CUBN: variants seen among roughly 807,000 people sequenced by gnomAD.
The protein encoded by CUBN is cubilin, also known as 460 kDa receptor.
Under a neutral mutation model 405.3 loss-of-function variants are expected in CUBN, and 282 were observed. That is an observed-to-expected ratio of 0.70 (90% confidence interval 0.63 to 0.77). The LOEUF (loss-of-function observed/expected upper bound fraction) is 0.77. CUBN is among the 30% of genes least tolerant of loss of function. The probability of loss-of-function intolerance (pLI) is 0.00; values close to 1 mark genes in which losing one functional copy is unlikely to be tolerated. For synonymous variants in CUBN, 1,684 were observed against 1,617.0 expected, an observed-to-expected ratio of 1.04 and a Z score of -0.99; for missense variants, 4,514 against 4,475.2, an observed-to-expected ratio of 1.01 and a Z score of -0.25.
rs765660437 is a variant in CUBN at position 16,840,437 on chromosome 10, C to G, written c.9925G>C (p.Val3309Leu). 9 of 1,614,050 alleles carry G rather than the reference C, an allele frequency of 5.6e-6. No individual in the cohort carries two copies. The East Asian group carries it at 1.8e-4, about 32-fold the overall frequency. ...TGCTGATGCGGAGGGGAATCAATGA[C>G]CCAAGTACAGATGGAAAATGGGACA... ...PDVPFSICTWVIDSPPHQQVK... is the reference protein window; with the variant it reads ...PDVPFSICTWLIDSPPHQQVK... The change falls in exon 62 of 67, where the codon GTC (valine) becomes CTC (leucine). Residue 3309 changes from valine (V) to leucine (L), a missense_variant. Around this residue, in one of 5 missense-constraint regions of CUBN, gnomAD observed 1,186 missense variants for 1,186.9 expected, o/e 1.00. Coordinates refer to ENST00000377833, the MANE Select transcript of CUBN (RefSeq NM_001081.4).
intron 28 of CUBN, among the ~76,000 whole-genome samples, chr10:17,017,250 A>G (rs7905442): frequency 0.38 from 57,488 of 151,798 alleles, 11,268 homozygotes; most frequent in East Asian, 0.61. Flanking sequence ...CAGCAGAAAC[A>G]CTAGTTTTCC....
intron 31 of CUBN, among the ~76,000 whole-genome samples, chr10:16,977,166 G>T (rs1184438430): frequency 6.6e-6 from 1 of 152,098 alleles, no homozygotes; most frequent in South Asian, 2.1e-4. Flanking sequence ...AGGATACAGG[G>T]AAATACTAGG....
intron 18 of CUBN, 35 bp from the exon 19 acceptor site, chr10:17,071,639 G>T (rs1444652422): frequency 1.9e-6 from 3 of 1,590,098 alleles, no homozygotes; most frequent in Non-Finnish European, 2.6e-6. Context: ...TGCTTGTCCA[G>T]ATATTAATAA....
chr10:17,001,088 T>C (rs1200785209), intron 28 of CUBN, among the ~76,000 whole-genome samples: 1 of 152,072 alleles, frequency 6.6e-6, no homozygotes. Context: ...TCACAGTGAG[T>C]GTTACAGCTC....
chr10:17,035,874 A>G (rs1042147856), intron 27 of CUBN, among the ~76,000 whole-genome samples: 6 of 152,084 alleles, frequency 3.9e-5, no homozygotes, highest in Non-Finnish European at 8.8e-5. Flanking sequence ...ATCCAAAAAA[A>G]TAATGAGAAC....
chr10:16,903,895 T>A, intron 51 of CUBN, 71 bp downstream of exon 51: 1 of 1,095,834 alleles, frequency 9.1e-7, no homozygotes, highest in Non-Finnish European at 1.3e-6. Flanking sequence ...AAAATATATA[T>A]GAAATCTTTA....
At chr10:17,032,574 T>C (rs1834808302) in intron 27 of CUBN, among the ~76,000 whole-genome samples, 1 of 152,176 alleles carries the variant, frequency 6.6e-6, no homozygotes, top group African/African-American at 2.4e-5. Flanking sequence ...AAAGTATTGG[T>C]AGTAGTGTCT....
intron 54 of CUBN, among the ~76,000 whole-genome samples, chr10:16,895,338 T>C (rs1564408805): frequency 6.7e-6 from 1 of 148,968 alleles, no homozygotes; most frequent in African/African-American, 2.5e-5. Flanking sequence ...TATATATTTA[T>C]ACACACACAC....
intron 31 of CUBN, among the ~76,000 whole-genome samples, chr10:16,958,002 G>A (rs1374523769): frequency 3.3e-5 from 5 of 152,046 alleles, no homozygotes; most frequent in African/African-American, 7.2e-5. Context: ...AAGGTCCAAG[G>A]AATAAGTACA....
intron 28 of CUBN, among the ~76,000 whole-genome samples, chr10:17,000,748 T>C (rs924742296): frequency 1.3e-5 from 2 of 152,240 alleles, no homozygotes; most frequent in Admixed American, 6.5e-5. Context: ...TCTGATTCCA[T>C]TGCTTAGTGG....
chr10:16,850,374 A>G (rs1471715782), intron 60 of CUBN, among the ~76,000 whole-genome samples: 1 of 152,190 alleles, frequency 6.6e-6, no homozygotes, highest in Non-Finnish European at 1.5e-5. Flanking sequence ...GCTACTTAAC[A>G]CTTGTAATCT....
At position 16,980,060 on chromosome 10, in the gene CUBN, A is replaced by G. The variant is rs1344289814; in HGVS notation, c.4695+2424T>C. Reference sequence around the variant, plus strand: ...TATGAACAGACACTTAAAAGAAGACATTTATGCAGCCAACAAACATATGAA... The same window carrying G: ...TATGAACAGACACTTAAAAGAAGACGTTTATGCAGCCAACAAACATATGAA... On this transcript the variant is annotated intron_variant, in intron 31 of 66. Coordinates refer to ENST00000377833, the MANE Select transcript of CUBN (RefSeq NM_001081.4). Among the ~76,000 whole-genome samples, 3 of 152,240 alleles carry G rather than the reference A, an allele frequency of 2.0e-5. No homozygotes were observed. The East Asian group carries it at 5.8e-4, about 29-fold the overall frequency.
chr10:17,067,747 A>G (rs756537569), intron 21 of CUBN, among the ~76,000 whole-genome samples: 1 of 152,150 alleles, frequency 6.6e-6, no homozygotes, highest in Non-Finnish European at 1.5e-5. Flanking sequence ...ACAGAGATAG[A>G]AAGTAGATTT....
intron 27 of CUBN, among the ~76,000 whole-genome samples, chr10:17,037,866 C>T (rs886834477): frequency 3.3e-5 from 5 of 152,084 alleles, no homozygotes; most frequent in Non-Finnish European, 7.4e-5. Flanking sequence ...ACCAGAGTCA[C>T]ATTGATCTCC....
chr10:16,994,718 C>T (rs916937225), intron 28 of CUBN, among the ~76,000 whole-genome samples: 4 of 152,102 alleles, frequency 2.6e-5, no homozygotes, highest in Non-Finnish European at 4.4e-5. Context: ...TTTTTAACAC[C>T]GGTCATTCAT....
intron 22 of CUBN, among the ~76,000 whole-genome samples, chr10:17,063,530 A>C (rs903442859): frequency 6.6e-6 from 1 of 151,952 alleles, no homozygotes; most frequent in African/African-American, 2.4e-5. Context: ...TTTCCTGTCC[A>C]GTTTGCTTCT....
At chr10:16,829,956 G>A (rs1369596605) in intron 65 of CUBN, among the ~76,000 whole-genome samples, 1 of 149,084 alleles carries the variant, frequency 6.7e-6, no homozygotes, top group Non-Finnish European at 1.5e-5. Flanking sequence ...TTTTTTTTGA[G>A]ACGGAGTCTT....
At chr10:16,869,326 C>A (rs1163127299) in intron 59 of CUBN, among the ~76,000 whole-genome samples, 1 of 151,866 alleles carries the variant, frequency 6.6e-6, no homozygotes, top group Non-Finnish European at 1.5e-5. Flanking sequence ...CCACCATGCC[C>A]AGCTAATTTT....
chr10:17,014,717 A>C (rs2131771421), intron 28 of CUBN, among the ~76,000 whole-genome samples: 1 of 152,308 alleles, frequency 6.6e-6, no homozygotes, highest in South Asian at 2.1e-4. Flanking sequence ...GGTAGCCAAA[A>C]GTAAATCATC....
Sources: allele counts gnomAD v4.1 joint callset (sites outside exome capture counted in the v4.1 genomes callset), GRCh38; gene constraint gnomAD v4.1.1; regional missense constraint gnomAD v4.1.1; transcripts MANE v1.5; gene names NCBI Gene and HGNC (gene_info 2026-07-23, HGNC 2026-07-21).